The following GMDS variants were observed in gnomAD, a reference collection of about 807,000 sequenced individuals.
The protein encoded by GMDS is GDP-mannose 4,6-dehydratase, also known as GDP-mannose 4,6 dehydratase.
In GMDS, 20 loss-of-function variants were observed where a neutral mutation model predicts 49.9. The ratio of observed to expected loss-of-function variants is 0.40; its 90% confidence interval spans 0.28 to 0.58. The LOEUF (loss-of-function observed/expected upper bound fraction) is 0.58, where lower values mean the gene tolerates loss of function less well. Ranked by LOEUF, GMDS falls within the 20% of genes least tolerant of loss-of-function variation. The pLI is 0.42. For missense variants in GMDS, 362 were observed against 481.4 expected (o/e 0.75, Z 2.32); for synonymous variants, 177 against 178.6 (o/e 0.99, Z 0.07).
At chr6:1,894,673 G>C (rs918096559) in intron 7 of GMDS, among the ~76,000 whole-genome samples, 1 of 152,102 alleles carries the variant, frequency 6.6e-6, no homozygotes, top group Non-Finnish European at 1.5e-5. Context: ...TGTAAATCAA[G>C]TACCACAGGA....
chr6:2,150,675 C>T (rs1478840116), intron 1 of GMDS, among the ~76,000 whole-genome samples: 1 of 152,192 alleles, frequency 6.6e-6, no homozygotes. Flanking sequence ...GAATCCACAA[C>T]AATCTTAAAC....
rs67198377 is a variant in GMDS at position 2,162,659 on chromosome 6, A to AACACACACAC, written c.103-37938_103-37929dup. The stretch of plus-strand genomic sequence containing the variant: ...AAATATCAGGTTTTCATAACATTCC[A>AACACACACAC]ACACACACACACACACACACACACA... On this transcript the variant is annotated intron_variant, in intron 1 of 10. Coordinates refer to ENST00000380815, the MANE Select transcript of GMDS (RefSeq NM_001500.4). Among the ~76,000 whole-genome samples, 264 of 135,824 alleles carry AACACACACAC rather than the reference A, an allele frequency of 1.9e-3. 4 individuals are homozygous for AACACACACAC. Among genetic ancestry groups the AACACACACAC allele is most frequent in the South Asian group, 2.9e-3 (11 of 3,828 alleles). 89.1% of individuals were successfully genotyped at this position (135,824 alleles called of 152,430 possible).
chr6:1,797,030 G>A (rs1769763346), intron 7 of GMDS, among the ~76,000 whole-genome samples: 1 of 152,186 alleles, frequency 6.6e-6, no homozygotes, highest in East Asian at 1.9e-4. Context: ...CCCCAGGCCA[G>A]GGACCAGTAC....
chr6:1,761,411 AT>A (rs1044658623), intron 7 of GMDS, among the ~76,000 whole-genome samples: 1 of 152,182 alleles, frequency 6.6e-6, no homozygotes, highest in Non-Finnish European at 1.5e-5. Context: ...ATGAACATTT[AT>A]TTTTTGGTGA....
chr6:1,675,619 G>A (rs1488367429), intron 9 of GMDS, among the ~76,000 whole-genome samples: 1 of 152,108 alleles, frequency 6.6e-6, no homozygotes, highest in Non-Finnish European at 1.5e-5. Flanking sequence ...TTGGGAGGCC[G>A]AGGCGGGTGG....
At chr6:1,658,908 T>C (rs984483112) in intron 9 of GMDS, among the ~76,000 whole-genome samples, 69 of 152,342 alleles carry the variant, frequency 4.5e-4, no homozygotes, top group African/African-American at 1.6e-3. Flanking sequence ...TGAACGGCTC[T>C]CACAAGGCTG....
chr6:1,765,542 G>C (rs1768316950), intron 7 of GMDS, among the ~76,000 whole-genome samples: 1 of 152,150 alleles, frequency 6.6e-6, no homozygotes, highest in South Asian at 2.1e-4. Context: ...ATTTCCCTCA[G>C]GTTTCTTATA....
intron 9 of GMDS, among the ~76,000 whole-genome samples, chr6:1,644,385 C>A (rs909344564): frequency 6.6e-6 from 1 of 152,200 alleles, no homozygotes; most frequent in Non-Finnish European, 1.5e-5. Context: ...TTCCTGTTGG[C>A]GTCTCACCAT....
chr6:2,012,937 T>C (rs933652064), intron 4 of GMDS, among the ~76,000 whole-genome samples: 1 of 152,174 alleles, frequency 6.6e-6, no homozygotes, highest in Non-Finnish European at 1.5e-5. Flanking sequence ...AACAAAAACT[T>C]GCCTTCTCAG....
intron 7 of GMDS, among the ~76,000 whole-genome samples, chr6:1,853,664 C>T (rs953028736): frequency 2.0e-5 from 3 of 151,976 alleles, no homozygotes; most frequent in Admixed American, 6.6e-5. Context: ...TTAGTAGCCA[C>T]AGAGCCTAAT....
At chr6:1,737,559 C>A in intron 8 of GMDS, among the ~76,000 whole-genome samples, 1 of 150,442 alleles carries the variant, frequency 6.6e-6, no homozygotes, top group Admixed American at 6.6e-5. Flanking sequence ...CACAGATACA[C>A]ACACACACCA....
intron 7 of GMDS, among the ~76,000 whole-genome samples, chr6:1,880,412 G>A (rs375459151): frequency 6.6e-6 from 1 of 151,902 alleles, no homozygotes; most frequent in Non-Finnish European, 1.5e-5. Flanking sequence ...GGCCCTGATC[G>A]TGCCACTGAA....
At chr6:1,821,541 T>C (rs1770894236) in intron 7 of GMDS, among the ~76,000 whole-genome samples, 1 of 150,988 alleles carries the variant, frequency 6.6e-6, no homozygotes, top group African/African-American at 2.4e-5. Flanking sequence ...ATTGTGCACA[T>C]TCCAAACGTT....
In GMDS at chr6:2,117,084, T is replaced by C. The variant is rs528673807; in HGVS notation, c.235+385A>G. Among the ~76,000 whole-genome samples the C allele has an allele frequency of 5.1e-4, 77 of 152,338 alleles. 1 individual carries two copies. The highest frequency in any genetic ancestry group is 9.7e-4 in the Non-Finnish European group (66 of 68,016). On this transcript the variant is annotated intron_variant, in intron 3 of 10. Coordinates refer to ENST00000380815, the MANE Select transcript of GMDS (RefSeq NM_001500.4). ...CTTCACAAATTATTTTTAAAAATAA[T>C]TAAATGTACAAAGATTGTTTAAATT...
At chr6:1,846,593 T>C (rs1364643325) in intron 7 of GMDS, among the ~76,000 whole-genome samples, 1 of 152,152 alleles carries the variant, frequency 6.6e-6, no homozygotes, top group Non-Finnish European at 1.5e-5. Flanking sequence ...CATGGGAACA[T>C]GGAAAGAGAA....
intron 7 of GMDS, among the ~76,000 whole-genome samples, chr6:1,797,927 T>C (rs1355211056): frequency 1.3e-5 from 2 of 152,248 alleles, no homozygotes; most frequent in Non-Finnish European, 1.5e-5. Flanking sequence ...ACAGACACTT[T>C]GATGTCTCTG....
chr6:2,066,006 A>C (rs1244632070), intron 4 of GMDS, among the ~76,000 whole-genome samples: 1 of 152,246 alleles, frequency 6.6e-6, no homozygotes, highest in Non-Finnish European at 1.5e-5. Context: ...AAAAAATGTT[A>C]AGGACAGTCA....
At chr6:1,920,498 T>G (rs1166039164) in intron 7 of GMDS, among the ~76,000 whole-genome samples, 2 of 152,214 alleles carry the variant, frequency 1.3e-5, no homozygotes, top group Non-Finnish European at 2.9e-5. Flanking sequence ...ATGGTATGTG[T>G]GCAAAAGACT....
rs147277818 is a variant in GMDS, at chr6:1,793,891, C to G, written c.772-51305G>C. Among the ~76,000 whole-genome samples the G allele has an allele frequency of 1.4e-4, 22 of 152,248 alleles. No individual in the cohort carries two copies. In the East Asian group the frequency reaches 4.1e-3, roughly 28 times the overall value. ...CCAAAAATGAAGAAATGTTTGTACTCAGTTTAAAATATAATGTGCTTAGGT... is the reference window on the plus strand; with the variant it reads ...CCAAAAATGAAGAAATGTTTGTACTGAGTTTAAAATATAATGTGCTTAGGT... On this transcript the variant is annotated intron_variant, in intron 7 of 10. Transcript: ENST00000380815.
Sources: allele counts gnomAD v4.1 joint callset (sites outside exome capture counted in the v4.1 genomes callset), GRCh38; gene constraint gnomAD v4.1.1; transcripts MANE v1.5; gene names NCBI Gene and HGNC (gene_info 2026-07-23, HGNC 2026-07-21).